VAV3: variants seen among roughly 807,000 people sequenced by gnomAD.
VAV3 encodes guanine nucleotide exchange factor VAV3.
Under a neutral mutation model 131.2 loss-of-function variants are expected in VAV3, and 94 were observed. The observed-to-expected ratio is 0.72, with a 90% CI of 0.61 to 0.85. The LOEUF (loss-of-function observed/expected upper bound fraction) is 0.85, where lower values mean the gene tolerates loss of function less well. Among genes scored for constraint, VAV3 ranks in the 40% least tolerant of loss-of-function variants. The pLI, the probability that VAV3 is intolerant of heterozygous loss-of-function variation, is 0.00. For missense variants in VAV3, 939 were observed against 1,002.7 expected, an observed-to-expected ratio of 0.94 and a Z score of 0.86; for synonymous variants, 349 against 342.0, an observed-to-expected ratio of 1.02 and a Z score of -0.22.
chr1:107,960,479 A>G (rs1283639715), intron 1 of VAV3, among the ~76,000 whole-genome samples: 1 of 152,046 alleles, frequency 6.6e-6, no homozygotes, highest in Non-Finnish European at 1.5e-5. Flanking sequence ...AAAAAAAAGA[A>G]AAGAAAAGAA....
intron 25 of VAV3, among the ~76,000 whole-genome samples, chr1:107,584,138 C>T (rs886757230): frequency 1.3e-5 from 2 of 151,978 alleles, no homozygotes; most frequent in Admixed American, 1.3e-4. Flanking sequence ...ACAAACCTGA[C>T]AAAAAACAAG....
intron 2 of VAV3, among the ~76,000 whole-genome samples, chr1:107,843,996 T>C (rs1055749072): frequency 1.3e-5 from 2 of 152,110 alleles, no homozygotes; most frequent in South Asian, 2.1e-4. Flanking sequence ...TAAGAGACTT[T>C]AACTTTTAAA....
At chr1:107,794,267 C>T (rs886173697) in intron 2 of VAV3, among the ~76,000 whole-genome samples, 11 of 152,216 alleles carry the variant, frequency 7.2e-5, no homozygotes, top group African/African-American at 2.7e-4. Context: ...GAATTTGACA[C>T]TATTTGTGGT....
chr1:107,908,216 A>G (rs1446532534), intron 1 of VAV3, among the ~76,000 whole-genome samples: 3 of 152,196 alleles, frequency 2.0e-5, no homozygotes, highest in Non-Finnish European at 4.4e-5. Flanking sequence ...GGAGAGAAGC[A>G]ACCATATTCT....
intron 15 of VAV3, among the ~76,000 whole-genome samples, chr1:107,709,048 G>A (rs892164921): frequency 1.2e-4 from 19 of 152,228 alleles, no homozygotes; most frequent in Middle Eastern, 3.4e-3. Flanking sequence ...ACTGGGGCCA[G>A]TTACCAGAGG....
At chr1:107,686,196 G>A (rs1396610921) in intron 18 of VAV3, among the ~76,000 whole-genome samples, 1 of 152,010 alleles carries the variant, frequency 6.6e-6, no homozygotes. Context: ...GGAGCCAGAG[G>A]AACTTTCCGA....
chr1:107,721,466 A>G (rs1222828966), intron 15 of VAV3, among the ~76,000 whole-genome samples: 1 of 152,194 alleles, frequency 6.6e-6, no homozygotes, highest in Non-Finnish European at 1.5e-5. Flanking sequence ...AGGTATTCCC[A>G]TGTTTAGAAC....
chr1:107,951,463 A>C (rs550700733), intron 1 of VAV3, among the ~76,000 whole-genome samples: 1 of 152,336 alleles, frequency 6.6e-6, no homozygotes, highest in East Asian at 1.9e-4. Context: ...AAAAGCAAAA[A>C]TTGACAAATG....
intron 19 of VAV3, chr1:107,669,001 C>G: frequency 9.9e-7 from 1 of 1,011,384 alleles, no homozygotes. Context: ...CTAAGGGAGT[C>G]AGCGCTGACT....
At chr1:107,907,747 G>T (rs1464429818) in intron 1 of VAV3, among the ~76,000 whole-genome samples, 1 of 151,704 alleles carries the variant, frequency 6.6e-6, no homozygotes, top group Non-Finnish European at 1.5e-5. Flanking sequence ...TTCCACCATG[G>T]TATGATGCAG....
At chr1:107,941,634 T>C (rs1274024651) in intron 1 of VAV3, among the ~76,000 whole-genome samples, 1 of 152,182 alleles carries the variant, frequency 6.6e-6, no homozygotes, top group African/African-American at 2.4e-5. Context: ...GTAGGGTATA[T>C]CCCTCATGTT....
intron 1 of VAV3, among the ~76,000 whole-genome samples, chr1:107,940,174 G>A (rs1468662403): frequency 6.6e-6 from 1 of 152,126 alleles, no homozygotes; most frequent in Non-Finnish European, 1.5e-5. Context: ...TGTTTGTTTT[G>A]AAACAGCTTC....
chr1:107,824,166 G>C (rs1667912982), intron 2 of VAV3, among the ~76,000 whole-genome samples: 2 of 152,160 alleles, frequency 1.3e-5, no homozygotes. Context: ...TTTCATGAGT[G>C]ATGTTGATAA....
rs931580210 is a variant in VAV3 at position 107,896,917 on chromosome 1, G to A, written c.205-21900C>T. ...ATCATTGATCAGATCTTCAAAAAAA[G>A]CCCCTCTCCAGAAATAGACAGGAAA... On this transcript the variant is annotated intron_variant, in intron 1 of 26. Coordinates refer to ENST00000370056, the MANE Select transcript of VAV3 (RefSeq NM_006113.5). 4.3e-4 allele frequency among the ~76,000 whole-genome samples: 66 copies of A among 152,158 alleles called. No homozygotes were observed. In the Middle Eastern group the frequency reaches 0.014, roughly 31 times the overall value.
intron 15 of VAV3, among the ~76,000 whole-genome samples, chr1:107,744,252 C>T (rs1390796432): frequency 6.6e-6 from 1 of 152,214 alleles, no homozygotes; most frequent in Non-Finnish European, 1.5e-5. Context: ...GCTAATATTT[C>T]AGTAGACAGG....
chr1:107,821,171 C>T (rs143855648), intron 2 of VAV3, among the ~76,000 whole-genome samples: 4 of 152,246 alleles, frequency 2.6e-5, no homozygotes, highest in African/African-American at 9.6e-5. Context: ...CCTTAGAAGA[C>T]AAAATCCTGA....
At position 107,789,105 on chromosome 1, in the gene VAV3, A is replaced by G. The variant is rs114559560; in HGVS notation, c.322-9613T>C. On this transcript the variant is annotated intron_variant, in intron 2 of 26. Coordinates refer to ENST00000370056, the MANE Select transcript of VAV3 (RefSeq NM_006113.5). ...ATGTGCTCATGTCAGGCCAGAGGAGAAACTGTTGATGTGATCTGAAATAGA... is the reference window on the plus strand; with the variant it reads ...ATGTGCTCATGTCAGGCCAGAGGAGGAACTGTTGATGTGATCTGAAATAGA... Among the ~76,000 whole-genome samples the G allele has an allele frequency of 3.1e-3, 475 of 152,290 alleles. 2 individuals carry two copies. The highest frequency in any genetic ancestry group is 0.011 in the African/African-American group (462 of 41,564).
intron 15 of VAV3, among the ~76,000 whole-genome samples, chr1:107,731,517 T>C (rs1471741450): frequency 2.0e-5 from 3 of 152,180 alleles, no homozygotes; most frequent in Admixed American, 1.3e-4. Flanking sequence ...TAGGTTCTAT[T>C]TGGGCCCAAG....
At chr1:107,861,164 G>GA (rs1197828902) in intron 2 of VAV3, among the ~76,000 whole-genome samples, 1 of 151,344 alleles carries the variant, frequency 6.6e-6, no homozygotes, top group Admixed American at 6.6e-5. Flanking sequence ...AAACAGTATA[G>GA]AAAAAAAGGA....
Sources: allele counts gnomAD v4.1 joint callset (sites outside exome capture counted in the v4.1 genomes callset), GRCh38; gene constraint gnomAD v4.1.1; transcripts MANE v1.5; gene names NCBI Gene and HGNC (gene_info 2026-07-23, HGNC 2026-07-21).